The following URGCP variants were observed in gnomAD, a reference collection of about 807,000 sequenced individuals.
URGCP encodes the protein up-regulator of cell proliferation.
In URGCP, 13 loss-of-function variants were observed where a neutral mutation model predicts 24.6. The ratio of observed to expected loss-of-function variants is 0.53; its 90% CI spans 0.34 to 0.84. URGCP has a LOEUF of 0.84. URGCP is among the 40% of genes least tolerant of loss of function. The pLI is 0.01. For missense variants in URGCP, 899 were observed against 1,194.3 expected, an observed-to-expected ratio of 0.75 and a Z score of 3.64; for synonymous variants, 444 against 487.2, an observed-to-expected ratio of 0.91 and a Z score of 1.17.
chr7:43,906,340 T>TCCTCCGCCGGCG (rs2095902546), intron 1 of URGCP: 1 of 236,492 alleles, frequency 4.2e-6, no homozygotes, highest in Non-Finnish European at 6.7e-6. Flanking sequence ...GGGACCGCTG[T>TCCTCCGCCGGCG]CCTCCGCCGG....
At chr7:43,909,735 T>A (rs916966881), upstream of URGCP, among the ~76,000 whole-genome samples, 5 of 150,546 alleles carry the variant, frequency 3.3e-5, no homozygotes, top group African/African-American at 9.8e-5. Flanking sequence ...AAAAATAATT[T>A]AAAAAATAAT....
At chr7:43,881,752 G>GAC in intron 4 of URGCP, 55 bp from the exon 5 acceptor site, 1 of 1,613,194 alleles carries the variant, frequency 6.2e-7, no homozygotes, top group Non-Finnish European at 8.5e-7. Context: ...ACCCTTGGCT[G>GAC]ACACAAATTA....
Position 43,906,387 on chromosome 7 carries a change from C to T in URGCP, c.14+175G>A, listed in dbSNP as rs2095902845. 18 of 721,018 alleles carry T rather than the reference C, an allele frequency of 2.5e-5. 1 individual carries two copies. Among genetic ancestry groups the T allele is most frequent in the Non-Finnish European group, 3.1e-5 (18 of 589,390 alleles). The allele number at this position is 721,018 out of a possible 1,614,324, so 44.7% of individuals were successfully genotyped here. ...GCCCCCCACGCCCGCGCGGCCGGTCCGCCCAAGGTCGGCGCGAGCGGGCCG... is the reference window on the plus strand; with the variant it reads ...GCCCCCCACGCCCGCGCGGCCGGTCTGCCCAAGGTCGGCGCGAGCGGGCCG... On this transcript the variant is annotated intron_variant, in intron 1 of 5. Transcript: ENST00000453200.
chr7:43,877,371 C>A lies in URGCP; in HGVS notation c.2092G>T (p.Val698Phe). The change falls in exon 6 of 6, where the codon GTC (valine) becomes TTC (phenylalanine). Residue 698 changes from valine to phenylalanine, a missense_variant. By Grantham distance (50) the Val-to-Phe change is conservative. Coordinates refer to ENST00000453200, the MANE Select transcript of URGCP (RefSeq NM_001077663.3). ...RRSRLVVLST[V>F]GVPGTGKSTL... ...GACTTGCCCGTGCCTGGCACCCCGA[C>A]GGTTGACAGAACCACCAGCCTTGAC... 6.2e-7 allele frequency: 1 copy of A among 1,612,856 alleles called. No individual in the cohort carries two copies. The highest frequency in any genetic ancestry group is 1.1e-5 in the South Asian group (1 of 91,086).
At chr7:43,898,752 AATAAAT>A (rs2095883507) in intron 1 of URGCP, among the ~76,000 whole-genome samples, 1 of 94,910 alleles carries the variant, frequency 1.1e-5, no homozygotes, top group Non-Finnish European at 2.4e-5. Context: ...CTCAAAAATA[AATAAAT>A]AAATAAATAA....
In URGCP at chr7:43,876,478, C is replaced by G. The variant is rs1432751777; in HGVS notation, c.*189G>C. The G allele has an allele frequency of 3.2e-6, 2 of 630,700 alleles. No homozygotes were observed. The highest frequency in any genetic ancestry group is 2.7e-6 in the Non-Finnish European group (1 of 364,128). The allele number at this position is 630,700 out of a possible 1,614,324, so 39.1% of individuals were successfully genotyped here. ...TGATATTCTTGGTAACATCTCTGAG[C>G]TGGTCTGTGAGGTCACTTCCTCTTT... On this transcript the variant is annotated 3_prime_UTR_variant, in exon 6 of 6. Transcript: ENST00000453200.
chr7:43,919,125 GGGA>G (rs1718569209), intron 1 of URGCP: 3 of 870,692 alleles, frequency 3.4e-6, no homozygotes, highest in Non-Finnish European at 6.0e-6. Context: ...CATTGCTGGG[GGGA>G]CAGGCTCTGG....
chr7:43,899,454 T>G (rs1562583461), intron 1 of URGCP, among the ~76,000 whole-genome samples: 1 of 151,838 alleles, frequency 6.6e-6, no homozygotes. Context: ...CTCTCTAAAT[T>G]AACCTATAAG....
intron 1 of URGCP, among the ~76,000 whole-genome samples, chr7:43,918,413 C>A (rs1012756921): frequency 1.2e-4 from 18 of 151,912 alleles, no homozygotes; most frequent in Non-Finnish European, 1.9e-4. Context: ...CTCACTGCAA[C>A]CTCCGCCTCC....
Position 43,878,605 on chromosome 7 carries a change from G to T in URGCP, c.858C>A (p.Gly286=). 1.2e-6 allele frequency: 2 copies of T among 1,614,006 alleles called. No individual in the cohort carries two copies. Among genetic ancestry groups the T allele is most frequent in the South Asian group, 2.2e-5 (2 of 91,090 alleles). The change falls in exon 6 of 6, where the codon GGC becomes GGA. Residue 286 remains glycine, a synonymous_variant. Transcript: ENST00000453200. The surrounding 1 kb of genome is among the most constrained non-coding windows in gnomAD (Gnocchi z 5.6). ...SQLLNAVLSP[G]HRQWDCFWHR... is the part of the protein sequence containing the mutation. ...GCCAGAAGCAGTCCCACTGCCTGTGGCCCGGGCTGAGGACGGCGTTGAGAA... is the reference window on the plus strand; with the variant it reads ...GCCAGAAGCAGTCCCACTGCCTGTGTCCCGGGCTGAGGACGGCGTTGAGAA...
intron 1 of URGCP, chr7:43,888,342 A>T (rs2095865186): frequency 6.6e-6 from 1 of 152,196 alleles, no homozygotes; most frequent in African/African-American, 2.4e-5. Context: ...TCTCTACTAA[A>T]AATATAAAAA....
intron 1 of URGCP, among the ~76,000 whole-genome samples, chr7:43,894,781 G>A (rs963994968): frequency 6.6e-6 from 1 of 152,152 alleles, no homozygotes; most frequent in Non-Finnish European, 1.5e-5. Context: ...TGTAATTATG[G>A]CACTTTGGAA....
In URGCP at chr7:43,911,795, T is replaced by C. The variant is rs1466543232; in HGVS notation, c.-116+14337A>G. Among the ~76,000 whole-genome samples the C allele has an allele frequency of 3.3e-5, 5 of 152,316 alleles. No homozygotes were observed. In the East Asian group the frequency reaches 5.8e-4, roughly 18 times the overall value. ...AATGCACATGGAACACTCTCCAAGA[T>C]AGACCATATGTTAGGTCACAAAACA... is the stretch of plus-strand genomic sequence containing the variant. On this transcript the variant is annotated intron_variant, in intron 1 of 5. Transcript: ENST00000426198.
At chr7:43,901,819 G>A (rs1421654973) in intron 1 of URGCP, among the ~76,000 whole-genome samples, 1 of 152,174 alleles carries the variant, frequency 6.6e-6, no homozygotes, top group African/African-American at 2.4e-5. Context: ...TGGTGGGAGA[G>A]AATCTTCCTG....
intron 3 of URGCP, among the ~76,000 whole-genome samples, chr7:43,884,693 G>GT (rs2095859537): frequency 6.6e-6 from 1 of 152,120 alleles, no homozygotes; most frequent in African/African-American, 2.4e-5. Flanking sequence ...AATTAGTCGG[G>GT]TGCAGTGGCT....
At chr7:43,919,196 G>C (rs1017415918) in intron 1 of URGCP, 2 of 888,086 alleles carry the variant, frequency 2.3e-6, no homozygotes, top group Non-Finnish European at 3.9e-6. Flanking sequence ...AGCTGGTGCA[G>C]ACATACTCAG....
intron 1 of URGCP, among the ~76,000 whole-genome samples, chr7:43,904,333 C>T (rs947501816): frequency 1.4e-4 from 21 of 152,202 alleles, no homozygotes; most frequent in African/African-American, 5.1e-4. Context: ...TTCATAAGGT[C>T]CTCAAAAATG....
In URGCP at chr7:43,877,669, G is replaced by A. The variant is rs1436546943; in HGVS notation, c.1794C>T (p.Gly598=). The change falls in exon 6 of 6, where the codon GGC becomes GGT. Residue 598 remains glycine (G), a synonymous_variant. Transcript: ENST00000453200. The stretch of plus-strand genomic sequence containing the variant: ...AGAGCGGCTCCCCCACGTCTGTGGT[G>A]CCCCCATGCTTTGGTCTCAGGGTGA... The part of the protein sequence containing the change: ...TLLTLRPKHG[G]TTDVGEPLWP... The A allele has an allele frequency of 2.5e-6, 4 of 1,613,920 alleles. No homozygotes were observed. Among genetic ancestry groups the A allele is most frequent in the African/African-American group, 1.3e-5 (1 of 74,916 alleles).
upstream of URGCP, chr7:43,906,648 C>A: frequency 8.8e-7 from 1 of 1,139,146 alleles, no homozygotes; most frequent in Non-Finnish European, 1.1e-6. Context: ...CGGGGAGGGG[C>A]CTGGCCCGCC....
Sources: gnomAD v4.1 joint callset for allele counts (sites outside exome capture counted in the v4.1 genomes callset) on GRCh38, gnomAD v4.1.1 for gene constraint, Gnocchi (gnomAD v3.1) non-coding constraint, MANE v1.5 for transcripts, NCBI Gene and HGNC (gene_info 2026-07-23, HGNC 2026-07-21) for gene names.